The following PRKAG2 variants were observed in gnomAD, a reference collection of about 807,000 sequenced individuals.
The protein encoded by PRKAG2 is 5'-AMP-activated protein kinase subunit gamma-2.
A neutral mutation model predicts 69.6 loss-of-function variants in PRKAG2; 26 were observed. The ratio of observed to expected loss-of-function variants is 0.37; its 90% CI spans 0.27 to 0.52. The LOEUF is 0.52. Ranked by LOEUF, PRKAG2 falls within the 20% of genes least tolerant of loss-of-function variation. The pLI, the probability that PRKAG2 is intolerant of heterozygous loss-of-function variation, is 0.90. For synonymous variants in PRKAG2, 293 were observed against 285.0 expected, an observed-to-expected ratio of 1.03 and a Z score of -0.28; for missense variants, 557 against 740.0, an observed-to-expected ratio of 0.75 and a Z score of 2.87.
intron 3 of PRKAG2, among the ~76,000 whole-genome samples, chr7:151,702,046 C>T (rs1837802289): frequency 6.6e-6 from 1 of 152,076 alleles, no homozygotes. Context: ...TGTATGGTAG[C>T]CCTGGGTGCT....
intron 5 of PRKAG2, among the ~76,000 whole-genome samples, chr7:151,609,191 A>G (rs1249419753): frequency 6.6e-6 from 1 of 152,216 alleles, no homozygotes; most frequent in Non-Finnish European, 1.5e-5. Context: ...ACATTTTAAA[A>G]ACACCTGCAA....
intron 3 of PRKAG2, among the ~76,000 whole-genome samples, chr7:151,710,763 C>T (rs1176265720): frequency 6.6e-6 from 1 of 152,234 alleles, no homozygotes; most frequent in East Asian, 1.9e-4. Context: ...ACATCTAACA[C>T]ACTCTGCTTG....
intron 5 of PRKAG2, among the ~76,000 whole-genome samples, chr7:151,599,951 C>T (rs1176824267): frequency 6.6e-6 from 1 of 152,202 alleles, no homozygotes; most frequent in Non-Finnish European, 1.5e-5. Context: ...CAGTGCTCTG[C>T]TGTCTCTTCC....
rs1362293392 is a variant in PRKAG2, at chr7:151,788,656, T to C, written c.115-2115A>G. The stretch of plus-strand genomic sequence containing the variant: ...GTGTCCTTTGATGTACAGAAGTCTT[T>C]GATTTATCTAATTTGCCTTTTGTTG... On this transcript the variant is annotated intron_variant, in intron 1 of 15. Transcript: ENST00000287878. This position sits in a 1 kb window ranked among gnomAD's most constrained non-coding sequence, Gnocchi z 4.6. 6.6e-6 allele frequency among the ~76,000 whole-genome samples: 1 copy of C among 152,250 alleles called. No homozygotes were observed. The highest frequency in any genetic ancestry group is 1.5e-5 in the Non-Finnish European group (1 of 68,032).
intron 1 of PRKAG2, chr7:151,810,496 C>G (rs1008405666): frequency 5.9e-5 from 9 of 152,310 alleles, no homozygotes; most frequent in African/African-American, 2.2e-4. Flanking sequence ...AGAACAGGGG[C>G]CCCCAACTCC....
intron 6 of PRKAG2, among the ~76,000 whole-genome samples, chr7:151,587,302 A>G (rs1016738101): frequency 1.3e-5 from 2 of 152,226 alleles, no homozygotes; most frequent in African/African-American, 4.8e-5. Context: ...CCATACTGAA[A>G]TAGATGACTG....
At chr7:151,826,435 G>A (rs978224536) in intron 1 of PRKAG2, among the ~76,000 whole-genome samples, 1 of 151,986 alleles carries the variant, frequency 6.6e-6, no homozygotes, top group African/African-American at 2.4e-5. Flanking sequence ...CACTTGCCTT[G>A]GCCTCCCAAA....
At chr7:151,627,850 G>C (rs949845597) in intron 5 of PRKAG2, among the ~76,000 whole-genome samples, 1 of 152,098 alleles carries the variant, frequency 6.6e-6, no homozygotes, top group Non-Finnish European at 1.5e-5. Context: ...TTTTTATAAA[G>C]ACGGGGTCTC....
At chr7:151,663,612 G>A (rs549756237) in intron 4 of PRKAG2, among the ~76,000 whole-genome samples, 11 of 152,202 alleles carry the variant, frequency 7.2e-5, no homozygotes, top group African/African-American at 1.2e-4. Context: ...TGCCCACCTC[G>A]GCCTCCTAGA....
At chr7:151,782,746 C>T (rs1411459175) in intron 2 of PRKAG2, among the ~76,000 whole-genome samples, 1 of 152,174 alleles carries the variant, frequency 6.6e-6, no homozygotes, top group Non-Finnish European at 1.5e-5. Context: ...ATGGCCGTGC[C>T]CTCACCTCAA....
intron 6 of PRKAG2, among the ~76,000 whole-genome samples, chr7:151,578,502 G>A (rs190047097): frequency 6.6e-6 from 1 of 152,332 alleles, no homozygotes; most frequent in African/African-American, 2.4e-5. Context: ...ATGTGGAACT[G>A]CTCATGCATG....
chr7:151,855,105 CACCACCCTACACACA>C (rs1563756775), intron 1 of PRKAG2, among the ~76,000 whole-genome samples: 10 of 54,156 alleles, frequency 1.8e-4, no homozygotes, highest in African/African-American at 3.4e-4. Context: ...CCTCCACACA[CACCACCCTACACACA>C]CACCATCCTC....
At chr7:151,603,802 CTT>C (rs1385637306) in intron 5 of PRKAG2, among the ~76,000 whole-genome samples, 1 of 152,164 alleles carries the variant, frequency 6.6e-6, no homozygotes, top group African/African-American at 2.4e-5. Flanking sequence ...GTACTGTAAT[CTT>C]TTTAAGAAGG....
At chr7:151,697,215 C>T (rs1836824184) in intron 3 of PRKAG2, among the ~76,000 whole-genome samples, 2 of 152,190 alleles carry the variant, frequency 1.3e-5, no homozygotes, top group South Asian at 2.1e-4. Context: ...GGGAGCTGCA[C>T]ACCCTGGGGT....
At chr7:151,649,728 C>T (rs147402801) in intron 4 of PRKAG2, among the ~76,000 whole-genome samples, 1,836 of 152,222 alleles carry the variant, frequency 0.012, 24 homozygotes, top group Non-Finnish European at 0.018. Flanking sequence ...GCTCCCGCCA[C>T]GTGAGGTATG....
rs566877553 is a variant in PRKAG2 at position 151,613,181 on chromosome 7, C to T, written c.755-17727G>A. 1.1e-4 allele frequency among the ~76,000 whole-genome samples: 17 copies of T among 152,286 alleles called. No homozygotes were observed. The South Asian group carries it at 2.7e-3, about 24-fold the overall frequency. Reference sequence around the variant, plus strand: ...GTTGACGCAGTATCTTCTACAATAACGCCTGAAATAACTTAAACTTTGTTT... The same window carrying T: ...GTTGACGCAGTATCTTCTACAATAATGCCTGAAATAACTTAAACTTTGTTT... On this transcript the variant is annotated intron_variant, in intron 5 of 15. Coordinates refer to ENST00000287878, the MANE Select transcript of PRKAG2 (RefSeq NM_016203.4).
rs1282017092 is a variant in PRKAG2 at position 151,876,569 on chromosome 7, C to A, written c.52G>T (p.Gly18Cys). ...TKKKKDVSSP[G>C]GSGGKKNASQ... ...GCATTTTTCTTGCCGCCGCTCCCGC[C>A]GGGGCTGGAAACATCTTTTTTCTTC... Residue 18 changes from glycine (G) to cysteine (C), a missense_variant, in exon 1 of 16, where the codon GGC becomes TGC. Around this residue, in one of 2 missense-constraint regions of PRKAG2, gnomAD observed 352 missense variants for 356.7 expected, o/e 0.99. Transcript: ENST00000287878. The A allele has an allele frequency of 1.2e-6, 2 of 1,610,348 alleles. No homozygotes were observed. The highest frequency in any genetic ancestry group is 1.7e-6 in the Non-Finnish European group (2 of 1,179,972).
chr7:151,821,053 G>GTAGAAGAGAGAGCCTCCAACC (rs1216334379), intron 1 of PRKAG2, among the ~76,000 whole-genome samples: 10 of 151,908 alleles, frequency 6.6e-5, no homozygotes, highest in South Asian at 4.1e-4. Context: ...CAGAAGGAAA[G>GTAGAAGAGAGAGCCTCCAACC]CTGTGGAGAC....
chr7:151,865,889 G>T (rs530058416), intron 1 of PRKAG2, among the ~76,000 whole-genome samples: 2 of 151,994 alleles, frequency 1.3e-5, no homozygotes, highest in Non-Finnish European at 2.9e-5. Context: ...GTGTGGTGGC[G>T]GGCGCCCGTA....
Sources: allele counts gnomAD v4.1 joint callset (sites outside exome capture counted in the v4.1 genomes callset), GRCh38; gene constraint gnomAD v4.1.1; regional missense constraint gnomAD v4.1.1; non-coding constraint Gnocchi (gnomAD v3.1); transcripts MANE v1.5; gene names NCBI Gene and HGNC (gene_info 2026-07-23, HGNC 2026-07-21).